The following SUV39H1 variants were observed in gnomAD, a reference collection of about 807,000 sequenced individuals.
The protein encoded by SUV39H1 is SUV39H1 histone lysine methyltransferase.
For missense variants in SUV39H1, 180 were observed against 386.3 expected (o/e 0.47, Z 4.48); for synonymous variants, 141 against 150.5 (o/e 0.94, Z 0.46).
intron 4 of SUV39H1, 25 bp from the exon 5 acceptor site, chrX:48,706,473 C>T (rs1557010161): frequency 8.3e-7 from 1 of 1,198,229 alleles, no homozygotes; most frequent in African/African-American, 1.7e-5. Context: ...CCTCCTCACT[C>T]TCCCAACTGT....
intron 2 of SUV39H1, 113 bp downstream of exon 2, chrX:48,699,160 A>G: frequency 1.2e-6 from 1 of 850,367 alleles, no homozygotes; most frequent in East Asian, 3.5e-5. Context: ...TTCTCCTTTG[A>G]CCCTGAAAAC....
intron 1 of SUV39H1, among the ~76,000 whole-genome samples, chrX:48,697,028 G>T (rs1355899916): frequency 9.1e-6 from 1 of 109,527 alleles, no homozygotes; most frequent in African/African-American, 3.3e-5. Context: ...GGGGCTAAGT[G>T]GGGACGCAGG....
chrX:48,695,740 T>C, upstream of SUV39H1: 1 of 1,150,159 alleles, frequency 8.7e-7, no homozygotes, highest in Non-Finnish European at 1.2e-6. Context: ...GCTGTCTGAC[T>C]CGATGGCTGT....
intron 1 of SUV39H1, among the ~76,000 whole-genome samples, chrX:48,698,129 G>A (rs1022833331): frequency 8.9e-6 from 1 of 111,979 alleles, no homozygotes; most frequent in Non-Finnish European, 1.9e-5. Context: ...TCATAATTCC[G>A]AAATCTAAAA....
chrX:48,707,515 G>A lies in SUV39H1; in HGVS notation c.1184G>A (p.Arg395Gln), dbSNP rs1557010351. ...LAGLPGSPKKRVRIECKCGTE... is the reference protein window; with the variant it reads ...LAGLPGSPKKQVRIECKCGTE... Reference sequence around the variant, plus strand: ...GGGCTCCCTGGCTCCCCTAAGAAGCGGGTCCGTATTGAATGCAAGTGTGGG... The same window carrying A: ...GGGCTCCCTGGCTCCCCTAAGAAGCAGGTCCGTATTGAATGCAAGTGTGGG... The change falls in exon 6 of 6, where the codon CGG becomes CAG. Residue 395 changes from arginine (R) to glutamine (Q), a missense_variant. Coordinates refer to ENST00000376687, the MANE Select transcript of SUV39H1 (RefSeq NM_003173.4). 8.3e-7 allele frequency: 1 copy of A among 1,211,491 alleles called. No individual in the cohort carries two copies. Among genetic ancestry groups the A allele is most frequent in the Non-Finnish European group, 1.1e-6 (1 of 895,317 alleles).
rs782555792 is a variant in SUV39H1, at chrX:48,707,694, T to C, written c.*124T>C. On this transcript the variant is annotated 3_prime_UTR_variant, in exon 6 of 6. Coordinates refer to ENST00000376687, the MANE Select transcript of SUV39H1 (RefSeq NM_003173.4). ...CCTGCCTCCACCTGCCCCCACCTGCTCCTACCTGCTCTACGTTCAGGGCTG... is the reference window on the plus strand; with the variant it reads ...CCTGCCTCCACCTGCCCCCACCTGCCCCTACCTGCTCTACGTTCAGGGCTG... The C allele has an allele frequency of 1.0e-5, 9 of 877,099 alleles. No individual in the cohort carries two copies. The highest frequency in any genetic ancestry group is 1.5e-5 in the Non-Finnish European group (9 of 611,671). The allele number at this position is 877,099 out of a possible 1,213,427, so 72.3% of individuals were successfully genotyped here. A position where few individuals can be genotyped will look rare whatever the true frequency, so the allele number is the denominator to read the frequency against.
chrX:48,706,811 C>G (rs947564671), intron 5 of SUV39H1, among the ~76,000 whole-genome samples, 184 bp downstream of exon 5: 1 of 111,065 alleles, frequency 9.0e-6, no homozygotes, highest in Non-Finnish European at 1.9e-5. Context: ...CTCGAGTCCC[C>G]TCATTCCCAG....
Position 48,698,892 on chromosome X carries a change from C to T in SUV39H1, c.20-10C>T. 1 of 1,207,175 alleles carries T rather than the reference C, an allele frequency of 8.3e-7. No individual in the cohort carries two copies. Among genetic ancestry groups the T allele is most frequent in the Non-Finnish European group, 1.1e-6 (1 of 893,564 alleles). On this transcript the variant is annotated splice_polypyrimidine_tract_variant and intron_variant, in intron 1 of 5. Transcript: ENST00000376687. ...CCCAGTAATAGTTCTTTCTGCCCCG[C>T]TTGATCCAGGCTGCAGCGTGTGTTG...
Position 48,706,583 on chromosome X carries a change from C to G in SUV39H1, c.1061C>G (p.Thr354Ser). 2.5e-6 allele frequency: 3 copies of G among 1,209,940 alleles called. No individual in the cohort carries two copies. The highest frequency in any genetic ancestry group is 3.4e-6 in the Non-Finnish European group (3 of 894,569). ...LPRIAFFATR[T>S]IRAGEELTFD... ...CGCATCGCTTTCTTTGCCACAAGAA[C>G]CATCCGGGCAGGCGAGGAGCTCACC... is the stretch of plus-strand genomic sequence containing the variant. Residue 354 changes from threonine to serine, a missense_variant, in exon 5 of 6, where the codon ACC (threonine) becomes AGC (serine). Coordinates refer to ENST00000376687, the MANE Select transcript of SUV39H1 (RefSeq NM_003173.4).
At chrX:48,696,693 C>T, upstream of SUV39H1, 1 of 1,086,471 alleles carries the variant, frequency 9.2e-7, no homozygotes, top group Non-Finnish European at 1.2e-6. Context: ...TCGGGAGCCG[C>T]GGCCAATAGG....
intron 5 of SUV39H1, among the ~76,000 whole-genome samples, chrX:48,706,936 C>G (rs1557010239): frequency 9.1e-6 from 1 of 110,491 alleles, no homozygotes; most frequent in Non-Finnish European, 1.9e-5. Flanking sequence ...AGCCCCTCCC[C>G]ACTCCTAGCT....
intron 4 of SUV39H1, 37 bp downstream of exon 4, chrX:48,706,448 G>A (rs1557010151): frequency 8.3e-7 from 1 of 1,201,110 alleles, no homozygotes; most frequent in East Asian, 3.0e-5. Context: ...GGGTCGAGAG[G>A]GGCAGGCTGG....
Position 48,700,644 on chromosome X carries a change from G to A in SUV39H1, c.719G>A (p.Gly240Asp). 1 of 1,212,412 alleles carries A rather than the reference G, an allele frequency of 8.2e-7. No individual in the cohort carries two copies. The highest frequency in any genetic ancestry group is 1.1e-6 in the Non-Finnish European group (1 of 895,652). The change falls in exon 3 of 6, where the codon GGT becomes GAT. Residue 240 changes from glycine to aspartate, a missense_variant. Physicochemically the swap from Gly to Asp is moderately conservative, Grantham distance 94. Transcript: ENST00000376687. ...TGCCCAAATCGTGTGGTACAGAAGG[G>A]TATCCGATATGACCTCTGCATCTTC... Reference protein sequence around the residue: ...YDCPNRVVQKGIRYDLCIFRT... With the variant: ...YDCPNRVVQKDIRYDLCIFRT...
At chrX:48,698,863 G>C in intron 1 of SUV39H1, 39 bp from the exon 2 acceptor site, 1 of 1,192,897 alleles carries the variant, frequency 8.4e-7, no homozygotes, top group African/African-American at 1.7e-5. Flanking sequence ...GCCTAGTCAG[G>C]CTGCCCAGTA....
At chrX:48,704,710 C>T (rs2062485361) in intron 3 of SUV39H1, among the ~76,000 whole-genome samples, 1 of 112,037 alleles carries the variant, frequency 8.9e-6, no homozygotes. Context: ...CCCCCTCAAG[C>T]CCTAAGCACT....
chrX:48,705,709 G>A lies in SUV39H1; in HGVS notation c.829-556G>A, dbSNP rs923744865. ...AGCCTCTTTCTGGCTCTCTGAACCT[G>A]GGCCTCCCTCTGCCTCTGCCTCCAC... is the stretch of plus-strand genomic sequence containing the variant. On this transcript the variant is annotated intron_variant, in intron 3 of 5. Coordinates refer to ENST00000376687, the MANE Select transcript of SUV39H1 (RefSeq NM_003173.4). 3.6e-5 allele frequency among the ~76,000 whole-genome samples: 4 copies of A among 112,067 alleles called. No homozygotes were observed. The South Asian group carries it at 1.5e-3, about 42-fold the overall frequency.
upstream of SUV39H1, chrX:48,695,586 T>C: frequency 8.3e-6 from 9 of 1,082,930 alleles, no homozygotes; most frequent in South Asian, 2.1e-4. Flanking sequence ...AATCACAGCA[T>C]GCTGGAGGGC....
At chrX:48,704,063 C>T (rs1170722639) in intron 3 of SUV39H1, among the ~76,000 whole-genome samples, 1 of 108,411 alleles carries the variant, frequency 9.2e-6, no homozygotes, top group Non-Finnish European at 1.9e-5. Flanking sequence ...CAGCTGACTC[C>T]AAGTCTTCTA....
intron 1 of SUV39H1, among the ~76,000 whole-genome samples, chrX:48,697,215 T>G (rs2062459637): frequency 9.2e-6 from 1 of 108,784 alleles, no homozygotes; most frequent in Non-Finnish European, 1.9e-5. Context: ...CCCTTCAGAG[T>G]GCGGGGACTG....
Sources: gnomAD v4.1 joint callset for allele counts (sites outside exome capture counted in the v4.1 genomes callset) on GRCh38, gnomAD v4.1.1 for gene constraint, MANE v1.5 for transcripts, NCBI Gene and HGNC (gene_info 2026-07-23, HGNC 2026-07-21) for gene names.